Variants in PAX7 observed in about 807,000 individuals in gnomAD.
PAX7 encodes the protein paired box protein Pax-7.
A neutral mutation model predicts 50.7 loss-of-function variants in PAX7; 18 were observed. The observed-to-expected ratio is 0.36, with a 90% CI of 0.25 to 0.53. The LOEUF (loss-of-function observed/expected upper bound fraction) is 0.53, where lower values mean the gene tolerates loss of function less well. Among genes scored for constraint, PAX7 ranks in the 20% least tolerant of loss-of-function variants. The probability of loss-of-function intolerance (pLI) is 0.93; values close to 1 mark genes in which losing one functional copy is unlikely to be tolerated. For missense variants in PAX7, 644 were observed against 702.9 expected, an observed-to-expected ratio of 0.92 and a Z score of 0.95; for synonymous variants, 310 against 290.4, an observed-to-expected ratio of 1.07 and a Z score of -0.69.
Position 18,652,247 on chromosome 1 carries a change from C to T in PAX7, c.586+15876C>T, listed in dbSNP as rs540345819. ...AACCTCAACTGGCCCCCTTCTCTTC[C>T]CCGCCCCCCCATTGCCCCAGGAAGG... On this transcript the variant is annotated intron_variant, in intron 4 of 8. Coordinates refer to ENST00000420770, the MANE Select transcript of PAX7 (RefSeq NM_001135254.2). 2.0e-5 allele frequency among the ~76,000 whole-genome samples: 3 copies of T among 152,192 alleles called. No individual in the cohort carries two copies. In the East Asian group the frequency reaches 5.8e-4, roughly 29 times the overall value.
chr1:18,734,670 T>G (rs76992289), intron 7 of PAX7, among the ~76,000 whole-genome samples: 1 of 152,270 alleles, frequency 6.6e-6, no homozygotes, highest in South Asian at 2.1e-4. Context: ...ATAGATAAGA[T>G]GCCTGTATCA....
At chr1:18,642,132 A>G (rs1448972100) in intron 4 of PAX7, among the ~76,000 whole-genome samples, 4 of 151,174 alleles carry the variant, frequency 2.6e-5, no homozygotes, top group Non-Finnish European at 5.9e-5. Context: ...ACATTACATT[A>G]TATATAAATA....
intron 4 of PAX7, among the ~76,000 whole-genome samples, chr1:18,664,859 G>A (rs2088646414): frequency 6.6e-6 from 1 of 152,164 alleles, no homozygotes; most frequent in African/African-American, 2.4e-5. Flanking sequence ...AAGGGAGACT[G>A]GATGATGTGT....
intron 7 of PAX7, among the ~76,000 whole-genome samples, chr1:18,725,278 T>C (rs1406641115): frequency 3.6e-5 from 5 of 138,482 alleles, no homozygotes; most frequent in Non-Finnish European, 7.8e-5. Flanking sequence ...CATCCTCGTC[T>C]CCACCAATTA....
At chr1:18,663,503 C>T (rs957613042) in intron 4 of PAX7, among the ~76,000 whole-genome samples, 4 of 152,214 alleles carry the variant, frequency 2.6e-5, no homozygotes, top group African/African-American at 9.7e-5. Flanking sequence ...GTGCCTCAGC[C>T]TCTCGAGTAG....
chr1:18,729,658 G>C (rs924425499), intron 7 of PAX7, among the ~76,000 whole-genome samples: 1 of 152,180 alleles, frequency 6.6e-6, no homozygotes, highest in African/African-American at 2.4e-5. Flanking sequence ...GGTGTGGGCT[G>C]CCCTGTGCAG....
At chr1:18,698,441 G>A (rs2089176017) in intron 5 of PAX7, among the ~76,000 whole-genome samples, 1 of 152,226 alleles carries the variant, frequency 6.6e-6, no homozygotes, top group South Asian at 2.1e-4. Flanking sequence ...ACCAAACTGA[G>A]ACCCCTCTTC....
At chr1:18,646,519 T>C (rs1374130643) in intron 4 of PAX7, among the ~76,000 whole-genome samples, 1 of 151,730 alleles carries the variant, frequency 6.6e-6, no homozygotes, top group African/African-American at 2.4e-5. Flanking sequence ...GGGAAAGCGG[T>C]TTGGAAACTG....
chr1:18,712,466 G>T (rs770186998), intron 7 of PAX7, among the ~76,000 whole-genome samples: 2 of 152,106 alleles, frequency 1.3e-5, no homozygotes, highest in African/African-American at 4.8e-5. Context: ...TTTTTCCTGG[G>T]TGGAGGGAAA....
Position 18,703,149 on chromosome 1 carries a change from G to C in PAX7, c.1008G>C (p.Gln336His). 6.2e-7 allele frequency: 1 copy of C among 1,613,950 alleles called. No homozygotes were observed. Among genetic ancestry groups the C allele is most frequent in the Non-Finnish European group, 8.5e-7 (1 of 1,179,968 alleles). The change falls in exon 7 of 9, where the codon CAG (glutamine) becomes CAC (histidine). Residue 336 changes from glutamine (Q) to histidine (H), a missense_variant. Gln to His is a conservative substitution (Grantham distance 24). Coordinates refer to ENST00000420770, the MANE Select transcript of PAX7 (RefSeq NM_001135254.2). ...CCCTGCCACCGTCCACCATGCACCAGGGCGGGCTGGCTGCAGCGGCTGCAG... is the reference window on the plus strand; with the variant it reads ...CCCTGCCACCGTCCACCATGCACCACGGCGGGCTGGCTGCAGCGGCTGCAG... ...PQPLPPSTMH[Q>H]GGLAAAAAAA...
rs964211549 is a variant in PAX7 at position 18,646,737 on chromosome 1, G to A, written c.586+10366G>A. On this transcript the variant is annotated intron_variant, in intron 4 of 8. Transcript: ENST00000420770. ...ATGCCTGGTGGCGCTTTACTATGGT[G>A]TGGGCCGAGGCCCCGGCCTAATCCC... Among the ~76,000 whole-genome samples the A allele has an allele frequency of 2.0e-5, 3 of 151,928 alleles. No homozygotes were observed. The South Asian group carries it at 6.2e-4, about 32-fold the overall frequency.
Position 18,700,626 on chromosome 1 carries a change from C to A in PAX7, c.787-27C>A. On this transcript the variant is annotated intron_variant, in intron 5 of 8. Transcript: ENST00000420770. The surrounding 1 kb of genome is among the most constrained non-coding windows in gnomAD (Gnocchi z 4.8). Reference sequence around the variant, plus strand: ...TCTGCCAGGAACCTGGCCGAGGGGTCTCCATTCTCTGCTCTCCACCTCCCA... The same window carrying A: ...TCTGCCAGGAACCTGGCCGAGGGGTATCCATTCTCTGCTCTCCACCTCCCA... The A allele has an allele frequency of 8.0e-6, 12 of 1,494,766 alleles. No individual in the cohort carries two copies. Among genetic ancestry groups the A allele is most frequent in the Non-Finnish European group, 9.8e-6 (11 of 1,120,522 alleles). The allele number at this position is 1,494,766 out of a possible 1,614,324, so 92.6% of individuals were successfully genotyped here.
chr1:18,640,804 G>C (rs1482507298), intron 4 of PAX7, among the ~76,000 whole-genome samples: 1 of 151,306 alleles, frequency 6.6e-6, no homozygotes, highest in Non-Finnish European at 1.5e-5. Flanking sequence ...CGACCAGAGG[G>C]AGAGAGGGAG....
At chr1:18,740,159 G>A (rs1471828362) in intron 8 of PAX7, among the ~76,000 whole-genome samples, 6 of 152,186 alleles carry the variant, frequency 3.9e-5, no homozygotes, top group East Asian at 3.8e-4. Flanking sequence ...GGCCGTTGAC[G>A]GAGGCCATAA....
At chr1:18,717,170 C>T (rs895821165) in intron 7 of PAX7, among the ~76,000 whole-genome samples, 1 of 152,198 alleles carries the variant, frequency 6.6e-6, no homozygotes, top group African/African-American at 2.4e-5. Context: ...AGGACGCCCT[C>T]GGGCTCGGCG....
chr1:18,636,501 G>T lies in PAX7; in HGVS notation c.586+130G>T. 2 of 1,210,228 alleles carry T rather than the reference G, an allele frequency of 1.7e-6. No homozygotes were observed. The highest frequency in any genetic ancestry group is 1.5e-5 in the African/African-American group (1 of 65,876). The allele number at this position is 1,210,228 out of a possible 1,614,324, so 75.0% of individuals were successfully genotyped here. On this transcript the variant is annotated intron_variant, in intron 4 of 8. Coordinates refer to ENST00000420770, the MANE Select transcript of PAX7 (RefSeq NM_001135254.2). The surrounding 1 kb of genome is among the most constrained non-coding windows in gnomAD (Gnocchi z 5.1). Reference sequence around the variant, plus strand: ...CAGCGGAGAAACTCTCATGCTGCGGGGCAGCTGGGAGCCGCTCAGGCTTTG... The same window carrying T: ...CAGCGGAGAAACTCTCATGCTGCGGTGCAGCTGGGAGCCGCTCAGGCTTTG...
intron 5 of PAX7, among the ~76,000 whole-genome samples, chr1:18,694,384 G>A (rs936331604): frequency 7.3e-5 from 11 of 151,568 alleles, no homozygotes; most frequent in Admixed American, 3.3e-4. Flanking sequence ...GCTTGAACTC[G>A]GTAGGTGGAG....
intron 4 of PAX7, among the ~76,000 whole-genome samples, chr1:18,648,498 C>T (rs946374538): frequency 6.6e-6 from 1 of 152,106 alleles, no homozygotes; most frequent in African/African-American, 2.4e-5. Flanking sequence ...CGCACCACCA[C>T]ACCTGGCTAG....
At chr1:18,699,231 C>T (rs1039688334) in intron 5 of PAX7, among the ~76,000 whole-genome samples, 1 of 152,204 alleles carries the variant, frequency 6.6e-6, no homozygotes, top group Non-Finnish European at 1.5e-5. Context: ...AGGAGCAGCA[C>T]AGCCAAGAAA....
Sources: gnomAD v4.1 joint callset for allele counts (sites outside exome capture counted in the v4.1 genomes callset) on GRCh38, gnomAD v4.1.1 for gene constraint, Gnocchi (gnomAD v3.1) non-coding constraint, MANE v1.5 for transcripts, NCBI Gene and HGNC (gene_info 2026-07-23, HGNC 2026-07-21) for gene names.